Variants in PCDHGA7 observed in about 807,000 individuals in gnomAD.
PCDHGA7 encodes protocadherin gamma-A7.
In PCDHGA7, 44 loss-of-function variants were observed where a neutral mutation model predicts 58.3. The observed-to-expected ratio is 0.75, with a 90% CI of 0.59 to 0.97. The LOEUF (loss-of-function observed/expected upper bound fraction) is 0.97, where lower values mean the gene tolerates loss of function less well. Ranked by LOEUF, PCDHGA7 falls within the 50% of genes least tolerant of loss-of-function variation. The pLI, the probability that PCDHGA7 is intolerant of heterozygous loss-of-function variation, is 0.00. For synonymous variants in PCDHGA7, 516 were observed against 504.2 expected, an observed-to-expected ratio of 1.02 and a Z score of -0.31; for missense variants, 1,266 against 1,188.7, an observed-to-expected ratio of 1.06 and a Z score of -0.96.
At chr5:141,475,828 C>T (rs1319658902) in intron 1 of PCDHGA7, 1 of 387,614 alleles carries the variant, frequency 2.6e-6, no homozygotes, top group Admixed American at 4.3e-5. Context: ...GGCGCTAGCG[C>T]GTGTCCTGCT....
intron 1 of PCDHGA7, chr5:141,410,277 T>A (rs1461250700): frequency 1.9e-6 from 3 of 1,613,896 alleles, no homozygotes; most frequent in Non-Finnish European, 2.5e-6. Context: ...CAGTTTTACC[T>A]GGTGGTGGCC....
chr5:141,413,032 C>A, intron 1 of PCDHGA7: 1 of 766,948 alleles, frequency 1.3e-6, no homozygotes, highest in Non-Finnish European at 2.0e-6. Context: ...CACAAACCGG[C>A]TGCTGGGCTG....
rs201279747 is a variant in PCDHGA7, at chr5:141,414,931, G to A, written c.2424+29608G>A. On this transcript the variant is annotated intron_variant, in intron 1 of 3. Coordinates refer to ENST00000518325, the MANE Select transcript of PCDHGA7 (RefSeq NM_018920.4). ...AGGCGTGGAGCTGGCGCCCCGCTCC[G>A]CAGAGCCCGGCTACCTGGTGACCAA... 123 of 1,614,120 alleles carry A rather than the reference G, an allele frequency of 7.6e-5. No homozygotes were observed. In the East Asian group the frequency reaches 2.5e-3, roughly 33 times the overall value.
At position 141,383,936 on chromosome 5, in the gene PCDHGA7, A is replaced by C. The variant is rs563490528; in HGVS notation, c.1037A>C (p.Glu346Ala). ...TTAGATGTAAATGATAATGCTCCAG[A>C]AGTGACTATGACGTCTTTAAGTAGC... Reference protein sequence around the residue: ...TVLDVNDNAPEVTMTSLSSSI... With the variant: ...TVLDVNDNAPAVTMTSLSSSI... Residue 346 changes from glutamate (E) to alanine (A), a missense_variant, in exon 1 of 4, where the codon GAA (glutamate) becomes GCA (alanine). Glu to Ala is a moderately radical substitution (Grantham distance 107). Transcript: ENST00000518325. The C allele has an allele frequency of 1.9e-6, 3 of 1,613,936 alleles. No individual in the cohort carries two copies. In the East Asian group the frequency reaches 6.7e-5, roughly 36 times the overall value.
intron 1 of PCDHGA7, chr5:141,404,621 G>T: frequency 6.2e-7 from 1 of 1,614,174 alleles, no homozygotes; most frequent in South Asian, 1.1e-5. Context: ...GGACCAGAAT[G>T]ACAATGCCCC....
intron 1 of PCDHGA7, among the ~76,000 whole-genome samples, chr5:141,450,547 C>T (rs182695399): frequency 3.4e-4 from 51 of 150,496 alleles, no homozygotes; most frequent in African/African-American, 1.0e-3. Context: ...AATGCAGTGG[C>T]GCAGTCTCGG....
Position 141,432,563 on chromosome 5 carries a change from G to T in PCDHGA7, c.2424+47240G>T. 2 of 1,613,912 alleles carry T rather than the reference G, an allele frequency of 1.2e-6. No homozygotes were observed. Among genetic ancestry groups the T allele is most frequent in the Non-Finnish European group, 1.7e-6 (2 of 1,179,996 alleles). The stretch of plus-strand genomic sequence containing the variant: ...GGTGGACAGAGACTCCGGCCAGAAC[G>T]CCTGGCTGTCCTACCGTCTGCTCAA... On this transcript the variant is annotated intron_variant, in intron 1 of 3. Transcript: ENST00000518325. The surrounding 1 kb of genome is among the most constrained non-coding windows in gnomAD (Gnocchi z 6.0).
Position 141,490,850 on chromosome 5 carries a change from G to A in PCDHGA7, c.2425-3957G>A, listed in dbSNP as rs374508743. The A allele has an allele frequency of 7.2e-5, 116 of 1,613,706 alleles. No homozygotes were observed. The highest frequency in any genetic ancestry group is 9.5e-5 in the Non-Finnish European group (112 of 1,179,902). ...ATGCTGCAGATTGTGGTGGGGGTTC[G>A]AGACTCCGGCTCTCCCCCATTGCAT... On this transcript the variant is annotated intron_variant, in intron 1 of 3. Transcript: ENST00000518325. This position sits in a 1 kb window ranked among gnomAD's most constrained non-coding sequence, Gnocchi z 5.4.
chr5:141,409,238 G>A (rs2095245468), intron 1 of PCDHGA7: 1 of 1,614,002 alleles, frequency 6.2e-7, no homozygotes, highest in Non-Finnish European at 8.5e-7. Flanking sequence ...CAACAGCCCA[G>A]AAATAATCAT....
chr5:141,467,506 G>A (rs1364362269), intron 1 of PCDHGA7, among the ~76,000 whole-genome samples: 1 of 152,094 alleles, frequency 6.6e-6, no homozygotes, highest in Non-Finnish European at 1.5e-5. Flanking sequence ...TGATCTAATT[G>A]GAGTTTATTC....
Position 141,383,576 on chromosome 5 carries a change from C to T in PCDHGA7, c.677C>T (p.Ala226Val), listed in dbSNP as rs1298305290. ...GGCGACCCGCCCCGATCCAGCACCG[C>T]CCACATCCAGGTGACAGTGGTGGAT... ...DGGDPPRSST[A>V]HIQVTVVDVN... Residue 226 changes from alanine to valine, a missense_variant, in exon 1 of 4, where the codon GCC becomes GTC. Physicochemically the swap from Ala to Val is moderately conservative, Grantham distance 64. Transcript: ENST00000518325. 1 of 1,613,446 alleles carries T rather than the reference C, an allele frequency of 6.2e-7. No homozygotes were observed. The highest frequency in any genetic ancestry group is 8.5e-7 in the Non-Finnish European group (1 of 1,179,794).
At chr5:141,474,524 C>G (rs1260642402) in intron 1 of PCDHGA7, among the ~76,000 whole-genome samples, 1 of 152,170 alleles carries the variant, frequency 6.6e-6, no homozygotes, top group Non-Finnish European at 1.5e-5. Flanking sequence ...GCTGGTCTGG[C>G]TAATTATCAA....
At chr5:141,415,314 C>A (rs375384840) in intron 1 of PCDHGA7, 1 of 1,614,238 alleles carries the variant, frequency 6.2e-7, no homozygotes, top group Non-Finnish European at 8.5e-7. Context: ...CCTTCGTCAT[C>A]GTGCTGCTGG....
intron 1 of PCDHGA7, chr5:141,433,145 G>C (rs2097571427): frequency 6.2e-7 from 1 of 1,613,922 alleles, no homozygotes; most frequent in Non-Finnish European, 8.5e-7. Flanking sequence ...GCTGTCAGGT[G>C]ATTCGGTATT....
intron 1 of PCDHGA7, among the ~76,000 whole-genome samples, chr5:141,454,657 C>T (rs554561906): frequency 5.1e-4 from 77 of 152,192 alleles, no homozygotes; most frequent in African/African-American, 1.7e-3. Flanking sequence ...CTGCCCACCT[C>T]GGCCTCCCAA....
intron 1 of PCDHGA7, chr5:141,398,164 AG>A (rs970849138): frequency 6.8e-7 from 1 of 1,481,390 alleles, no homozygotes; most frequent in African/African-American, 1.4e-5. Context: ...CCGGGCTGAG[AG>A]GCTGCCAGTG....
intron 1 of PCDHGA7, among the ~76,000 whole-genome samples, chr5:141,406,715 A>G (rs2094843333): frequency 6.6e-6 from 1 of 152,252 alleles, no homozygotes; most frequent in Non-Finnish European, 1.5e-5. Flanking sequence ...CTTGCTCAAG[A>G]GAAGTTTCTA....
chr5:141,499,751 A>G (rs1355923543), intron 2 of PCDHGA7, among the ~76,000 whole-genome samples: 2 of 149,258 alleles, frequency 1.3e-5, no homozygotes, highest in Non-Finnish European at 3.0e-5. Flanking sequence ...CTGTGGCACA[A>G]TCTCAGCTCA....
At chr5:141,498,679 C>T (rs1454800332) in intron 2 of PCDHGA7, among the ~76,000 whole-genome samples, 1 of 152,170 alleles carries the variant, frequency 6.6e-6, no homozygotes, top group African/African-American at 2.4e-5. Flanking sequence ...CGCCTGTAAT[C>T]CCAGCACTTT....
Sources: gnomAD v4.1 joint callset for allele counts (sites outside exome capture counted in the v4.1 genomes callset) on GRCh38, gnomAD v4.1.1 for gene constraint, Gnocchi (gnomAD v3.1) non-coding constraint, MANE v1.5 for transcripts, NCBI Gene and HGNC (gene_info 2026-07-23, HGNC 2026-07-21) for gene names.